The following LHFPL3 variants were observed in gnomAD, a reference collection of about 807,000 sequenced individuals.
LHFPL3 encodes LHFPL tetraspan subfamily member 3.
In LHFPL3, 5 loss-of-function variants were observed where a neutral mutation model predicts 19.3. The ratio of observed to expected loss-of-function variants is 0.26; its 90% CI spans 0.14 to 0.54. The LOEUF (loss-of-function observed/expected upper bound fraction) is 0.54, where lower values mean the gene tolerates loss of function less well. Ranked by LOEUF, LHFPL3 falls within the 20% of genes least tolerant of loss-of-function variation. The pLI is 0.94. For missense variants in LHFPL3, 249 were observed against 307.4 expected, an observed-to-expected ratio of 0.81 and a Z score of 1.42; for synonymous variants, 133 against 126.2, an observed-to-expected ratio of 1.05 and a Z score of -0.36.
intron 1 of LHFPL3, among the ~76,000 whole-genome samples, chr7:104,726,250 T>C (rs1793590252): frequency 6.6e-6 from 1 of 152,114 alleles, no homozygotes; most frequent in South Asian, 2.1e-4. Flanking sequence ...GTTCATTCAT[T>C]TTCCCATTTT....
intron 2 of LHFPL3, among the ~76,000 whole-genome samples, chr7:104,836,855 G>A (rs1295486781): frequency 1.3e-5 from 2 of 152,188 alleles, no homozygotes; most frequent in Admixed American, 6.5e-5. Flanking sequence ...GCCATGGCTT[G>A]TAGGATGTCA....
At chr7:104,559,932 G>C (rs1444581821) in intron 1 of LHFPL3, among the ~76,000 whole-genome samples, 5 of 149,602 alleles carry the variant, frequency 3.3e-5, no homozygotes, top group Non-Finnish European at 7.4e-5. Context: ...CATCTATTGA[G>C]ATAATCATGT....
intron 1 of LHFPL3, among the ~76,000 whole-genome samples, chr7:104,420,280 T>C (rs1462693448): frequency 6.6e-6 from 1 of 152,204 alleles, no homozygotes; most frequent in Non-Finnish European, 1.5e-5. Flanking sequence ...TGGGTCAATA[T>C]AGTGTCCATG....
intron 1 of LHFPL3, among the ~76,000 whole-genome samples, chr7:104,481,818 A>G (rs1379374235): frequency 6.6e-6 from 1 of 152,196 alleles, no homozygotes; most frequent in Non-Finnish European, 1.5e-5. Flanking sequence ...TTGCTTATGA[A>G]CATAGTTCTT....
rs1792391327 is a variant in LHFPL3, at chr7:104,667,999, A to T, written c.446-68676A>T. 6.8e-6 allele frequency: 11 copies of T among 1,613,586 alleles called. No homozygotes were observed. In the Admixed American group the frequency reaches 1.8e-4, roughly 27 times the overall value. ...GCTCCACGGGCTGCTCGGGAACCCAATATCGACCGGAGCCGTCTTCCCAAA... is the reference window on the plus strand; with the variant it reads ...GCTCCACGGGCTGCTCGGGAACCCATTATCGACCGGAGCCGTCTTCCCAAA... On this transcript the variant is annotated intron_variant, in intron 1 of 2. Coordinates refer to ENST00000424859, the MANE Select transcript of LHFPL3 (RefSeq NM_199000.3).
At chr7:104,905,191 A>G (rs1792573382) in intron 2 of LHFPL3, among the ~76,000 whole-genome samples, 1 of 152,124 alleles carries the variant, frequency 6.6e-6, no homozygotes. Flanking sequence ...TCTGAGCTCA[A>G]AAGATCCTCC....
intron 1 of LHFPL3, among the ~76,000 whole-genome samples, chr7:104,673,224 A>T (rs79507758): frequency 0.033 from 4,956 of 152,310 alleles, 277 homozygotes; most frequent in African/African-American, 0.11. Context: ...GTACGAAAAG[A>T]GTTTATACAC....
chr7:104,591,472 G>T (rs1332760860), intron 1 of LHFPL3, among the ~76,000 whole-genome samples: 1 of 152,160 alleles, frequency 6.6e-6, no homozygotes, highest in African/African-American at 2.4e-5. Context: ...TAGCGTTTCT[G>T]CTGAGAGATC....
At chr7:104,848,564 T>C (rs180880719) in intron 2 of LHFPL3, among the ~76,000 whole-genome samples, 422 of 151,998 alleles carry the variant, frequency 2.8e-3, no homozygotes, top group Middle Eastern at 6.8e-3. Context: ...CTTCCTAGGA[T>C]AATCATTGTC....
intron 2 of LHFPL3, among the ~76,000 whole-genome samples, chr7:104,742,380 C>T (rs1793951535): frequency 6.6e-6 from 1 of 152,210 alleles, no homozygotes; most frequent in African/African-American, 2.4e-5. Flanking sequence ...CAAGAGGTGA[C>T]TCCAGCCACC....
At position 104,777,729 on chromosome 7, in the gene LHFPL3, G is replaced by T. The variant is rs116447313; in HGVS notation, c.682+40818G>T. Among the ~76,000 whole-genome samples the T allele has an allele frequency of 4.4e-3, 665 of 152,132 alleles. 7 individuals are homozygous for T. Among genetic ancestry groups the T allele is most frequent in the African/African-American group, 0.015 (630 of 41,494 alleles). ...TGTCCTCTCTGGCTGTACAATGCTC[G>T]GTTCAGTTGCCATTGATGAACTTCT... On this transcript the variant is annotated intron_variant, in intron 2 of 2. Coordinates refer to ENST00000424859, the MANE Select transcript of LHFPL3 (RefSeq NM_199000.3).
intron 2 of LHFPL3, among the ~76,000 whole-genome samples, chr7:104,825,175 G>C (rs1790793276): frequency 6.6e-6 from 1 of 151,506 alleles, no homozygotes; most frequent in South Asian, 2.1e-4. Context: ...ACCATAGAAG[G>C]AACTGGGACT....
intron 1 of LHFPL3, among the ~76,000 whole-genome samples, chr7:104,564,696 T>G (rs1483843048): frequency 6.6e-6 from 1 of 152,206 alleles, no homozygotes; most frequent in Non-Finnish European, 1.5e-5. Context: ...GAACCCAGTT[T>G]GCTTTGGAAG....
chr7:104,585,079 C>G (rs1350085980), intron 1 of LHFPL3, among the ~76,000 whole-genome samples: 2 of 152,080 alleles, frequency 1.3e-5, no homozygotes, highest in African/African-American at 4.8e-5. Context: ...CACTTTTTCC[C>G]CCTCTTGTCC....
chr7:104,809,028 T>C (rs1365788770), intron 2 of LHFPL3, among the ~76,000 whole-genome samples: 1 of 151,550 alleles, frequency 6.6e-6, no homozygotes, highest in African/African-American at 2.4e-5. Context: ...CCTGGGTAGC[T>C]GGGATTACAG....
chr7:104,343,078 A>C (rs766829279), intron 1 of LHFPL3, among the ~76,000 whole-genome samples: 4 of 150,526 alleles, frequency 2.7e-5, no homozygotes, highest in Admixed American at 6.7e-5. Context: ...AGTTTTAATT[A>C]TGATAGAGCT....
At chr7:104,873,486 G>A (rs566334334) in intron 2 of LHFPL3, among the ~76,000 whole-genome samples, 102 of 127,736 alleles carry the variant, frequency 8.0e-4, no homozygotes, top group Non-Finnish European at 1.3e-3. Context: ...TTAGCCAGGC[G>A]TGCGGTAGCA....
chr7:104,737,218 C>G (rs867384332), intron 2 of LHFPL3, among the ~76,000 whole-genome samples: 1 of 151,896 alleles, frequency 6.6e-6, no homozygotes, highest in Admixed American at 6.6e-5. Context: ...AACTTAATGG[C>G]TAAGATGTAA....
At chr7:104,898,697 G>A (rs759095215) in intron 2 of LHFPL3, among the ~76,000 whole-genome samples, 10 of 152,110 alleles carry the variant, frequency 6.6e-5, no homozygotes, top group South Asian at 6.2e-4. Flanking sequence ...GTTCATGCCT[G>A]TAATCCCAGC....
Sources: gnomAD v4.1 joint callset for allele counts (sites outside exome capture counted in the v4.1 genomes callset) on GRCh38, gnomAD v4.1.1 for gene constraint, MANE v1.5 for transcripts, NCBI Gene and HGNC (gene_info 2026-07-23, HGNC 2026-07-21) for gene names.